TAF3: variants seen among roughly 807,000 people sequenced by gnomAD.
The protein encoded by TAF3 is TATA-box binding protein associated factor 3.
Under a neutral mutation model 80.6 loss-of-function variants are expected in TAF3, and 7 were observed. That is an observed-to-expected ratio of 0.09 (90% CI 0.05 to 0.16). The LOEUF (loss-of-function observed/expected upper bound fraction) is 0.16, where lower values mean the gene tolerates loss of function less well. TAF3 is among the 10% of genes least tolerant of loss of function. The pLI is 1.00. For missense variants in TAF3, 921 were observed against 1,140.2 expected, an observed-to-expected ratio of 0.81 and a Z score of 2.77; for synonymous variants, 444 against 446.1, an observed-to-expected ratio of 1.00 and a Z score of 0.06.
At chr10:7,856,582 A>G (rs1837082072) in intron 2 of TAF3, among the ~76,000 whole-genome samples, 1 of 152,218 alleles carries the variant, frequency 6.6e-6, no homozygotes, top group Non-Finnish European at 1.5e-5. Context: ...TTCAGAGCAG[A>G]AGCCTAGGAG....
rs74123647 is a variant in TAF3, at chr10:7,901,828, G to A, written c.410-62092G>A. ...ACATTTAAATAACTTTGTTTTTTCA[G>A]AAAATAGGTATTTTCATTGCCTTTC... On this transcript the variant is annotated intron_variant, in intron 2 of 6. Transcript: ENST00000344293. 2.0e-3 allele frequency among the ~76,000 whole-genome samples: 306 copies of A among 152,240 alleles called. 1 individual carries two copies. Among genetic ancestry groups the A allele is most frequent in the African/African-American group, 6.9e-3 (286 of 41,560 alleles).
chr10:7,956,056 A>G (rs564575730), intron 2 of TAF3, among the ~76,000 whole-genome samples: 3 of 152,360 alleles, frequency 2.0e-5, no homozygotes, highest in South Asian at 2.1e-4. Context: ...TCCCAAAATT[A>G]TACTATAATT....
chr10:8,009,128 A>C lies in TAF3; in HGVS notation c.2366A>C (p.Gln789Pro). ...CCCGAGGCCAAGCCGGCGCCCTCGC[A>C]GAACAGGCCGAAGACCCCACCGCCG... The part of the protein sequence containing the change: ...PAPEAKPAPS[Q>P]NRPKTPPPAP... Residue 789 changes from glutamine (Q) to proline (P), a missense_variant, in exon 5 of 7, where the codon CAG (glutamine) becomes CCG (proline). By Grantham distance (76) the Gln-to-Pro change is moderately conservative. Transcript: ENST00000344293. This position sits in a 1 kb window ranked among gnomAD's most constrained non-coding sequence, Gnocchi z 4.1. 1 of 1,598,778 alleles carries C rather than the reference A, an allele frequency of 6.3e-7. No homozygotes were observed. The highest frequency in any genetic ancestry group is 1.1e-5 in the South Asian group (1 of 91,006).
intron 2 of TAF3, among the ~76,000 whole-genome samples, chr10:7,852,560 G>C (rs1837038327): frequency 6.6e-6 from 1 of 152,154 alleles, no homozygotes; most frequent in African/African-American, 2.4e-5. Context: ...CCATAAATTG[G>C]TATAGTCGGT....
chr10:7,921,439 C>A (rs1337153050), intron 2 of TAF3, among the ~76,000 whole-genome samples: 1 of 152,126 alleles, frequency 6.6e-6, no homozygotes, highest in Non-Finnish European at 1.5e-5. Context: ...CTCCCCTCCC[C>A]CGTTTAAACT....
intron 2 of TAF3, among the ~76,000 whole-genome samples, chr10:7,939,417 T>C (rs1412120652): frequency 6.6e-6 from 1 of 152,138 alleles, no homozygotes; most frequent in Non-Finnish European, 1.5e-5. Flanking sequence ...TATCTTACAA[T>C]GTAGCCCGCC....
intron 2 of TAF3, among the ~76,000 whole-genome samples, chr10:7,847,252 A>C (rs1338538155): frequency 2.6e-5 from 4 of 152,242 alleles, no homozygotes; most frequent in Non-Finnish European, 5.9e-5. Flanking sequence ...ATATTTGTCA[A>C]TATGAATTGA....
At chr10:7,994,450 G>T (rs1157696218) in intron 4 of TAF3, among the ~76,000 whole-genome samples, 1 of 151,450 alleles carries the variant, frequency 6.6e-6, no homozygotes, top group Non-Finnish European at 1.5e-5. Flanking sequence ...GAAAAGAAAA[G>T]AAAAAAAACT....
chr10:7,996,622 T>G (rs1831889457), intron 4 of TAF3, among the ~76,000 whole-genome samples: 1 of 152,078 alleles, frequency 6.6e-6, no homozygotes, highest in African/African-American at 2.4e-5. Flanking sequence ...ATGTCTTTTT[T>G]TTTTGTATTT....
chr10:7,987,348 C>T (rs1452182949), intron 4 of TAF3, among the ~76,000 whole-genome samples: 2 of 152,034 alleles, frequency 1.3e-5, no homozygotes, highest in Non-Finnish European at 2.9e-5. Context: ...TTAGAATTAT[C>T]TTACACATAC....
intron 4 of TAF3, among the ~76,000 whole-genome samples, chr10:7,978,699 T>A (rs1359782405): frequency 6.6e-6 from 1 of 152,214 alleles, no homozygotes; most frequent in African/African-American, 2.4e-5. Context: ...TCCATCTCCA[T>A]GCAAATTCTG....
intron 2 of TAF3, among the ~76,000 whole-genome samples, chr10:7,872,852 A>G (rs558774075): frequency 3.5e-4 from 54 of 152,342 alleles, no homozygotes; most frequent in African/African-American, 1.2e-3. Context: ...TATATGTTAT[A>G]TAAAATAACA....
chr10:7,896,987 G>T (rs956859719), intron 2 of TAF3, among the ~76,000 whole-genome samples: 2 of 152,162 alleles, frequency 1.3e-5, no homozygotes, highest in African/African-American at 4.8e-5. Context: ...GCCAGCAGTT[G>T]TGCTCACCTT....
intron 2 of TAF3, among the ~76,000 whole-genome samples, chr10:7,861,007 G>C (rs969008813): frequency 1.3e-5 from 2 of 151,512 alleles, no homozygotes. Context: ...TGTCGCCTGG[G>C]CTGGAGTGCA....
intron 2 of TAF3, among the ~76,000 whole-genome samples, chr10:7,834,636 T>C (rs1588516958): frequency 1.3e-5 from 2 of 152,246 alleles, no homozygotes; most frequent in South Asian, 4.1e-4. Context: ...GACTACAAGG[T>C]TTTTATTTTT....
intron 2 of TAF3, among the ~76,000 whole-genome samples, chr10:7,940,198 T>G (rs1445648172): frequency 1.3e-5 from 2 of 152,210 alleles, no homozygotes; most frequent in Admixed American, 6.5e-5. Flanking sequence ...AATTCTATTT[T>G]CAACCACGCT....
At chr10:7,958,274 A>G (rs1838156157) in intron 2 of TAF3, among the ~76,000 whole-genome samples, 1 of 152,332 alleles carries the variant, frequency 6.6e-6, no homozygotes, top group South Asian at 2.1e-4. Flanking sequence ...CCAAGTCTGC[A>G]TTTGAGCAGG....
At chr10:7,882,978 C>G (rs1295402905) in intron 2 of TAF3, among the ~76,000 whole-genome samples, 1 of 152,180 alleles carries the variant, frequency 6.6e-6, no homozygotes, top group Non-Finnish European at 1.5e-5. Flanking sequence ...ACATCATGCT[C>G]CTTTGTCCTT....
At chr10:7,834,438 C>G (rs529833234) in intron 2 of TAF3, among the ~76,000 whole-genome samples, 1 of 151,516 alleles carries the variant, frequency 6.6e-6, no homozygotes, top group Non-Finnish European at 1.5e-5. Flanking sequence ...GTTGTCTCCA[C>G]GCTGGGAAAT....
Sources: allele counts gnomAD v4.1 joint callset (sites outside exome capture counted in the v4.1 genomes callset), GRCh38; gene constraint gnomAD v4.1.1; non-coding constraint Gnocchi (gnomAD v3.1); transcripts MANE v1.5; gene names NCBI Gene and HGNC (gene_info 2026-07-23, HGNC 2026-07-21).